The following ZFAT variants were observed in gnomAD, a reference collection of about 807,000 sequenced individuals.
ZFAT encodes zinc finger and AT-hook domain containing, also known as zinc finger protein ZFAT.
In ZFAT, 64 loss-of-function variants were observed where a neutral mutation model predicts 117.7. The ratio of observed to expected loss-of-function variants is 0.54; its 90% confidence interval spans 0.44 to 0.67. The LOEUF is 0.67. Ranked by LOEUF, ZFAT falls within the 30% of genes least tolerant of loss-of-function variation. The pLI is 0.00. For missense variants in ZFAT, 1,433 were observed against 1,584.5 expected, an observed-to-expected ratio of 0.90 and a Z score of 1.62; for synonymous variants, 679 against 615.0, an observed-to-expected ratio of 1.10 and a Z score of -1.54.
intron 7 of ZFAT, chr8:134,599,315 G>A (rs558741064): frequency 1.5e-4 from 24 of 161,476 alleles, no homozygotes; most frequent in East Asian, 3.7e-4. Flanking sequence ...GTGTGTGCGC[G>A]CGCATGCATA....
chr8:134,746,306 G>C, the ZFAT span, among the ~76,000 whole-genome samples: 1 of 152,178 alleles, frequency 6.6e-6, no homozygotes, highest in East Asian at 1.9e-4. Flanking sequence ...TTTGCCCTCT[G>C]GTTAATCTTT....
At chr8:134,576,162 C>T (rs1276022603) in intron 10 of ZFAT, among the ~76,000 whole-genome samples, 1 of 152,190 alleles carries the variant, frequency 6.6e-6, no homozygotes, top group Non-Finnish European at 1.5e-5. Flanking sequence ...TTTTAGGTGG[C>T]CAAGCCTCAT....
chr8:134,687,838 T>A (rs1300103158), intron 1 of ZFAT, among the ~76,000 whole-genome samples: 6 of 152,148 alleles, frequency 3.9e-5, no homozygotes, highest in Non-Finnish European at 7.4e-5. Context: ...CACATCCGGG[T>A]TGACAGCTGT....
intron 1 of ZFAT, among the ~76,000 whole-genome samples, chr8:134,711,478 CCACAGCTAATCAGCGCACCTGTGGT>C (rs1368970108): frequency 5.9e-5 from 9 of 152,172 alleles, no homozygotes. Flanking sequence ...CAGCTGGGCA[CCACAGCTAATCAGCGCACCTGTGGT>C]CACAGCTACT....
chr8:134,764,105 T>C, the ZFAT span, among the ~76,000 whole-genome samples: 5 of 151,588 alleles, frequency 3.3e-5, no homozygotes, highest in African/African-American at 1.2e-4. Flanking sequence ...AGATAATCAT[T>C]GTTATAATAT....
chr8:134,671,933 G>A (rs914762157), intron 1 of ZFAT, among the ~76,000 whole-genome samples: 2 of 152,148 alleles, frequency 1.3e-5, no homozygotes, highest in African/African-American at 2.4e-5. Flanking sequence ...AATGTGCAAA[G>A]ATCACAAGCA....
At chr8:134,637,765 G>C in intron 2 of ZFAT, 53 bp from the exon 3 acceptor site, 1 of 1,578,882 alleles carries the variant, frequency 6.3e-7, no homozygotes, top group Non-Finnish European at 8.6e-7. Flanking sequence ...GCAGTGCAGG[G>C]TTCACAATCA....
chr8:134,539,662 A>G (rs1052263965), intron 11 of ZFAT, among the ~76,000 whole-genome samples: 5 of 152,250 alleles, frequency 3.3e-5, no homozygotes, highest in African/African-American at 1.2e-4. Flanking sequence ...AAATGCAGAA[A>G]AAGGCCATGT....
chr8:134,817,084 T>G, the ZFAT span, among the ~76,000 whole-genome samples: 2 of 152,144 alleles, frequency 1.3e-5, no homozygotes, highest in Non-Finnish European at 2.9e-5. Context: ...TCAACTTGGC[T>G]AGGCTATGCT....
intron 7 of ZFAT, among the ~76,000 whole-genome samples, chr8:134,592,356 G>A (rs1040700540): frequency 1.3e-5 from 2 of 152,188 alleles, no homozygotes; most frequent in African/African-American, 4.8e-5. Context: ...CTTGCCCAAG[G>A]TTCACACTAC....
the ZFAT span, among the ~76,000 whole-genome samples, chr8:134,805,718 A>C: frequency 2.6e-5 from 4 of 152,216 alleles, no homozygotes; most frequent in East Asian, 7.7e-4. Context: ...CATGTCTATA[A>C]TCACAGCACT....
At chr8:134,827,789 T>C in the ZFAT span, among the ~76,000 whole-genome samples, 7 of 150,732 alleles carry the variant, frequency 4.6e-5, no homozygotes, top group Non-Finnish European at 4.4e-5. Context: ...AAAAAAATTC[T>C]AGTTAATATT....
intron 1 of ZFAT, among the ~76,000 whole-genome samples, chr8:134,697,676 G>A (rs559977014): frequency 4.0e-5 from 6 of 150,864 alleles, no homozygotes; most frequent in South Asian, 2.1e-4. Context: ...GCAGTGAGCC[G>A]AGATCGCGCC....
chr8:134,584,659 C>A (rs573625695), intron 9 of ZFAT, among the ~76,000 whole-genome samples: 126 of 152,250 alleles, frequency 8.3e-4, no homozygotes, highest in African/African-American at 2.9e-3. Context: ...CTACTGAGGA[C>A]CTATTTTCAT....
the ZFAT span, among the ~76,000 whole-genome samples, chr8:134,744,997 G>A: frequency 6.7e-6 from 1 of 149,602 alleles, no homozygotes; most frequent in East Asian, 2.0e-4. Flanking sequence ...CCAAAGTGCT[G>A]GAATTACAGG....
At chr8:134,686,595 C>T (rs969230923) in intron 1 of ZFAT, among the ~76,000 whole-genome samples, 2 of 152,170 alleles carry the variant, frequency 1.3e-5, no homozygotes, top group Admixed American at 6.5e-5. Flanking sequence ...TCATTTAAAA[C>T]AACATAGATC....
intron 12 of ZFAT, among the ~76,000 whole-genome samples, chr8:134,530,255 TAA>T (rs1421577301): frequency 1.3e-5 from 2 of 152,196 alleles, no homozygotes; most frequent in Non-Finnish European, 2.9e-5. Flanking sequence ...CATGAAATTA[TAA>T]AGTCTCATGA....
At chr8:134,795,747 T>G in the ZFAT span, 1 of 152,324 alleles carries the variant, frequency 6.6e-6, no homozygotes, top group East Asian at 1.9e-4. Context: ...CTCTGGTTAA[T>G]AAAATTACAG....
At chr8:134,480,580 G>A (rs1817227504) in intron 15 of ZFAT, among the ~76,000 whole-genome samples, 1 of 152,240 alleles carries the variant, frequency 6.6e-6, no homozygotes, top group South Asian at 2.1e-4. Flanking sequence ...GAATGACTGT[G>A]CTGTGGAGTA....
Sources: gnomAD v4.1 joint callset for allele counts (sites outside exome capture counted in the v4.1 genomes callset) on GRCh38, gnomAD v4.1.1 for gene constraint, MANE v1.5 for transcripts, NCBI Gene and HGNC (gene_info 2026-07-23, HGNC 2026-07-21) for gene names.